The following FGF13 variants were observed in gnomAD, a reference collection of about 807,000 sequenced individuals.
FGF13 encodes fibroblast growth factor 13.
A neutral mutation model predicts 19.5 loss-of-function variants in FGF13; 2 were observed. The observed-to-expected ratio is 0.10, with a 90% CI of 0.04 to 0.32. FGF13 has a LOEUF of 0.32. Ranked by LOEUF, FGF13 falls within the 10% of genes least tolerant of loss-of-function variation. The pLI is 1.00. For synonymous variants in FGF13, 72 were observed against 76.9 expected (o/e 0.94, Z 0.33); for missense variants, 113 against 192.7 (o/e 0.59, Z 2.45).
At chrX:139,091,008 A>G (rs985104639) in intron 1 of FGF13, among the ~76,000 whole-genome samples, 2 of 109,357 alleles carry the variant, frequency 1.8e-5, no homozygotes, top group Admixed American at 2.0e-4. Context: ...TATAAATTAG[A>G]AAGGCACTGG....
intron 1 of FGF13, among the ~76,000 whole-genome samples, chrX:138,899,819 C>T (rs971654178): frequency 7.3e-5 from 5 of 68,285 alleles, no homozygotes; most frequent in Admixed American, 1.6e-4. Context: ...CTAGTTCCCA[C>T]CGCCCTCAAG....
chrX:138,940,200 T>G (rs1283317495), intron 1 of FGF13, among the ~76,000 whole-genome samples: 1 of 112,044 alleles, frequency 8.9e-6, no homozygotes, highest in African/African-American at 3.2e-5. Context: ...ATATCCTTAT[T>G]GGCCACATTT....
chrX:138,976,203 C>T (rs1175295360), intron 1 of FGF13, among the ~76,000 whole-genome samples: 1 of 111,327 alleles, frequency 9.0e-6, no homozygotes, highest in African/African-American at 3.3e-5. Context: ...TTAATAAATA[C>T]GTTTACGCTG....
At chrX:139,032,462 A>G (rs756837439) in intron 1 of FGF13, among the ~76,000 whole-genome samples, 3 of 111,666 alleles carry the variant, frequency 2.7e-5, no homozygotes, top group Non-Finnish European at 5.7e-5. Context: ...TTATCTCTAT[A>G]CTTCTAGCAC....
chrX:138,861,888 A>G (rs1330272085), intron 2 of FGF13, among the ~76,000 whole-genome samples: 1 of 111,593 alleles, frequency 9.0e-6, no homozygotes, highest in African/African-American at 3.3e-5. Flanking sequence ...CTGTAATCCC[A>G]GCTACTCGGG....
chrX:139,022,194 G>A (rs939310650), intron 1 of FGF13, among the ~76,000 whole-genome samples: 6 of 111,275 alleles, frequency 5.4e-5, no homozygotes, highest in Non-Finnish European at 9.5e-5. Context: ...TAGGAAAAGA[G>A]GGATTATTTT....
chrX:138,948,888 A>G (rs1391831913), intron 1 of FGF13, among the ~76,000 whole-genome samples: 2 of 111,889 alleles, frequency 1.8e-5, no homozygotes, highest in Non-Finnish European at 3.8e-5. Flanking sequence ...AAACAGAACT[A>G]TATTGTCTTA....
rs1364868171 is a variant in FGF13, at chrX:138,626,503, T to C, written c.*6347A>G. On this transcript the variant is annotated 3_prime_UTR_variant, in exon 5 of 5. Coordinates refer to ENST00000315930, the MANE Select transcript of FGF13 (RefSeq NM_004114.5). ...CTAATCAAAAATTTTTCCTCCATTG[T>C]ATTTTTTACATCACAGCATTTATTG... 1 of 112,443 alleles carries C rather than the reference T, an allele frequency of 8.9e-6. No homozygotes were observed. The highest frequency in any genetic ancestry group is 3.2e-5 in the African/African-American group (1 of 30,937). 9.3% of individuals were successfully genotyped at this position (112,443 alleles called of 1,213,427 possible).
intron 1 of FGF13, among the ~76,000 whole-genome samples, chrX:139,068,467 G>A (rs1428408537): frequency 9.8e-6 from 1 of 102,201 alleles, no homozygotes; most frequent in Non-Finnish European, 2.0e-5. Flanking sequence ...TTGGCGATGC[G>A]GGCTCTTTTT....
chrX:138,711,762 G>A, upstream of FGF13: 2 of 671,025 alleles, frequency 3.0e-6, no homozygotes, highest in Non-Finnish European at 3.5e-6. Context: ...CCCTCCCGGG[G>A]CTGAGCCCGT....
intron 1 of FGF13, among the ~76,000 whole-genome samples, chrX:139,037,982 A>T (rs2092256205): frequency 9.0e-6 from 1 of 110,932 alleles, no homozygotes; most frequent in Non-Finnish European, 1.9e-5. Flanking sequence ...CATCAAACCA[A>T]CTCCCTTTTC....
At chrX:138,806,855 C>A (rs977600605) in intron 3 of FGF13, 59 of 111,706 alleles carry the variant, frequency 5.3e-4, no homozygotes, top group African/African-American at 1.9e-3. Flanking sequence ...AGCCAGACAG[C>A]TGGAGGAGAA....
intron 1 of FGF13, among the ~76,000 whole-genome samples, chrX:138,998,661 A>G (rs1271703090): frequency 8.9e-6 from 1 of 111,981 alleles, no homozygotes; most frequent in Admixed American, 9.5e-5. Flanking sequence ...TGCACCCAAT[A>G]CAGGAACACC....
At chrX:138,808,840 T>C (rs1427817649) in intron 3 of FGF13, among the ~76,000 whole-genome samples, 2 of 111,472 alleles carry the variant, frequency 1.8e-5, no homozygotes, top group Admixed American at 1.9e-4. Flanking sequence ...AACTAGAAAA[T>C]CCAGAAGAAA....
chrX:139,174,977 T>G (rs1424779219), intron 1 of FGF13, among the ~76,000 whole-genome samples: 1 of 112,268 alleles, frequency 8.9e-6, no homozygotes, highest in Non-Finnish European at 1.9e-5. Context: ...ATCTATAAAT[T>G]ACTATGGGCA....
intron 1 of FGF13, among the ~76,000 whole-genome samples, chrX:138,974,552 C>G (rs1452746796): frequency 8.9e-6 from 1 of 112,210 alleles, no homozygotes; most frequent in Non-Finnish European, 1.9e-5. Context: ...TTTCAACAGC[C>G]TTTTCACTGA....
chrX:139,091,189 T>C (rs1343381849), intron 1 of FGF13, among the ~76,000 whole-genome samples: 1 of 110,425 alleles, frequency 9.1e-6, no homozygotes, highest in Non-Finnish European at 1.9e-5. Context: ...GAAACTTGGG[T>C]CAGAATCCTA....
chrX:138,989,939 G>A (rs1307394604), intron 1 of FGF13, among the ~76,000 whole-genome samples: 3 of 111,419 alleles, frequency 2.7e-5, no homozygotes, highest in African/African-American at 9.8e-5. Context: ...AATATCCACT[G>A]CCTTGAATTA....
At chrX:138,912,792 T>C (rs1399763430) in intron 1 of FGF13, among the ~76,000 whole-genome samples, 1 of 111,663 alleles carries the variant, frequency 9.0e-6, no homozygotes, top group African/African-American at 3.3e-5. Context: ...TGCTTTGCCA[T>C]GAAGTTGCCA....
Sources: allele counts gnomAD v4.1 joint callset (sites outside exome capture counted in the v4.1 genomes callset), GRCh38; gene constraint gnomAD v4.1.1; transcripts MANE v1.5; gene names NCBI Gene and HGNC (gene_info 2026-07-23, HGNC 2026-07-21).